LBHD2: variants seen among roughly 807,000 people sequenced by gnomAD.
LBHD2 encodes LBH domain containing 2.
At chr14:103,089,668 C>T in intron 3 of LBHD2, 29 bp from the exon 4 acceptor site, 1 of 398,666 alleles carries the variant, frequency 2.5e-6, no homozygotes, top group Non-Finnish European at 4.4e-6. Flanking sequence ...CCCCCGCCGA[C>T]CAACACGGCC....
Position 103,085,956 on chromosome 14 carries a change from C to T in LBHD2, c.-37-20C>T, listed in dbSNP as rs1173460086. ...GATCCAGCATCAGGCCAACAGCAGA[C>T]ACCCCATTTCTGCTCCCAGTCCTCG... On this transcript the variant is annotated intron_variant, in intron 1 of 3. Coordinates refer to ENST00000634353, the MANE Select transcript of LBHD2 (RefSeq NM_001330236.2). The T allele has an allele frequency of 2.5e-6, 1 of 398,430 alleles. No homozygotes were observed. The highest frequency in any genetic ancestry group is 4.4e-5 in the Admixed American group (1 of 22,706). The allele number at this position is 398,430 out of a possible 1,614,324, so 24.7% of individuals were successfully genotyped here. A position where few individuals can be genotyped will look rare whatever the true frequency, so the allele number is the denominator to read the frequency against.
In LBHD2 at chr14:103,088,258, G is replaced by A. The variant is rs376300067; in HGVS notation, c.226+17G>A. 1 of 398,986 alleles carries A rather than the reference G, an allele frequency of 2.5e-6. No individual in the cohort carries two copies. The highest frequency in any genetic ancestry group is 4.4e-6 in the Non-Finnish European group (1 of 226,362). The allele number at this position is 398,986 out of a possible 1,614,324, so 24.7% of individuals were successfully genotyped here. ...CTGCTGCTGGTAAGTGAGGGTGCCT[G>A]TGGGGGTGCTGAGAGGAGGAAGTGG... On this transcript the variant is annotated intron_variant, in intron 3 of 3. Coordinates refer to ENST00000634353, the MANE Select transcript of LBHD2 (RefSeq NM_001330236.2).
rs141763197 is a variant in LBHD2 at position 103,087,014 on chromosome 14, G to A, written c.69+933G>A. Among the ~76,000 whole-genome samples the A allele has an allele frequency of 1.5e-3, 229 of 152,382 alleles. 3 individuals are homozygous for A. Among genetic ancestry groups the A allele is most frequent in the Non-Finnish European group, 1.6e-4 (11 of 68,034 alleles). On this transcript the variant is annotated intron_variant, in intron 2 of 3. Transcript: ENST00000634353. ...TTGGGGGCAGGAAGGAGAATGGCAC[G>A]TGGGGAGGGAGAGCAGGCTGGGGGA...
At position 103,084,715 on chromosome 14, in the gene LBHD2, G is replaced by GTCTCTC. The variant is rs369355777; in HGVS notation, c.-38+382_-38+387dup. Among the ~76,000 whole-genome samples, 320 of 149,982 alleles carry GTCTCTC rather than the reference G, an allele frequency of 2.1e-3. 9 individuals are homozygous for GTCTCTC. In the East Asian group the frequency reaches 0.055, roughly 26 times the overall value. The stretch of plus-strand genomic sequence containing the variant: ...AAGTGTCATCTGTGGGTCTGTTTCT[G>GTCTCTC]TCTCTCTCTCTCTCTCTCTTCTCCT... On this transcript the variant is annotated intron_variant, in intron 1 of 3. Coordinates refer to ENST00000634353, the MANE Select transcript of LBHD2 (RefSeq NM_001330236.2).
intron 3 of LBHD2, among the ~76,000 whole-genome samples, chr14:103,089,297 C>G (rs1004826731): frequency 1.3e-5 from 2 of 152,210 alleles, no homozygotes; most frequent in Non-Finnish European, 2.9e-5. Context: ...CAGAAAACCC[C>G]CTTTTCATTG....
chr14:103,086,392 A>G (rs1889632979), intron 2 of LBHD2, among the ~76,000 whole-genome samples: 1 of 152,050 alleles, frequency 6.6e-6, no homozygotes. Flanking sequence ...TTGTATTTTT[A>G]GTAGACTCGG....
At chr14:103,085,068 G>A (rs1049521220) in intron 1 of LBHD2, among the ~76,000 whole-genome samples, 1 of 152,174 alleles carries the variant, frequency 6.6e-6, no homozygotes, top group African/African-American at 2.4e-5. Context: ...GCTGACCTGA[G>A]TGGGGTGTTT....
chr14:103,089,740 T>C lies in LBHD2; in HGVS notation c.270T>C (p.Asp90=), dbSNP rs1889686548. 1 of 398,554 alleles carries C rather than the reference T, an allele frequency of 2.5e-6. No homozygotes were observed. The highest frequency in any genetic ancestry group is 4.4e-6 in the Non-Finnish European group (1 of 226,096). 24.7% of individuals were successfully genotyped at this position (398,554 alleles called of 1,614,324 possible). ...CCGGAGAACCAGGGAAAGCTGCAGATAACGCTGGCAGCGAGTGTGCCTGCT... is the reference window on the plus strand; with the variant it reads ...CCGGAGAACCAGGGAAAGCTGCAGACAACGCTGGCAGCGAGTGTGCCTGCT... ...SLPGEPGKAA[D]NAGSECACSE... Residue 90 remains aspartate (D), a synonymous_variant, in exon 4 of 4, where the codon GAT becomes GAC. Transcript: ENST00000634353.
At position 103,084,228 on chromosome 14, in the gene LBHD2, C is replaced by G. The variant is rs1309256422; in HGVS notation, c.-157C>G. Reference sequence around the variant, plus strand: ...GCGAGCCGGGAGAGCGCGGAGCCAGCGGAGCGCGGAGGCCCCAGCGCCAGC... The same window carrying G: ...GCGAGCCGGGAGAGCGCGGAGCCAGGGGAGCGCGGAGGCCCCAGCGCCAGC... On this transcript the variant is annotated 5_prime_UTR_variant, in exon 1 of 4. Coordinates refer to ENST00000634353, the MANE Select transcript of LBHD2 (RefSeq NM_001330236.2). 2.0e-5 allele frequency: 3 copies of G among 152,276 alleles called. No homozygotes were observed. Among genetic ancestry groups the G allele is most frequent in the Non-Finnish European group, 4.4e-5 (3 of 68,162 alleles). 9.4% of individuals were successfully genotyped at this position (152,276 alleles called of 1,614,324 possible).
intron 3 of LBHD2, among the ~76,000 whole-genome samples, chr14:103,088,973 G>A (rs1295008322): frequency 2.0e-5 from 3 of 152,202 alleles, no homozygotes; most frequent in South Asian, 2.1e-4. Flanking sequence ...CAGCCTGGGC[G>A]ATAGAGTGAG....
intron 1 of LBHD2, among the ~76,000 whole-genome samples, chr14:103,084,782 G>A (rs898324378): frequency 6.6e-6 from 1 of 152,160 alleles, no homozygotes; most frequent in Non-Finnish European, 1.5e-5. Context: ...CTCTGTGGCA[G>A]TATTTTTCTT....
In LBHD2 at chr14:103,089,716, C is replaced by A. The variant is rs770079559; in HGVS notation, c.246C>A (p.Pro82=). 3 of 398,550 alleles carry A rather than the reference C, an allele frequency of 7.5e-6. No individual in the cohort carries two copies. Among genetic ancestry groups the A allele is most frequent in the Non-Finnish European group, 1.3e-5 (3 of 226,100 alleles). The allele number at this position is 398,550 out of a possible 1,614,324, so 24.7% of individuals were successfully genotyped here. A position where few individuals can be genotyped will look rare whatever the true frequency, so the allele number is the denominator to read the frequency against. The part of the protein sequence containing the change: ...RAAAAPSPSL[P]GEPGKAADNA... ...CTGCAGCCCCCTCGCCGAGTCTGCC[C>A]GGAGAACCAGGGAAAGCTGCAGATA... Residue 82 remains proline (P), a synonymous_variant, in exon 4 of 4, where the codon CCC becomes CCA. Coordinates refer to ENST00000634353, the MANE Select transcript of LBHD2 (RefSeq NM_001330236.2).
At chr14:103,089,171 C>T (rs1011133145) in intron 3 of LBHD2, among the ~76,000 whole-genome samples, 3 of 152,076 alleles carry the variant, frequency 2.0e-5, no homozygotes, top group African/African-American at 4.8e-5. Context: ...GAGATGTTGT[C>T]CCCTGGAGAC....
intron 2 of LBHD2, 38 bp from the exon 3 acceptor site, chr14:103,088,047 G>A: frequency 2.5e-6 from 1 of 398,798 alleles, no homozygotes; most frequent in Non-Finnish European, 4.4e-6. Context: ...GGAGTGCCAG[G>A]CCTGGCATGG....
intron 2 of LBHD2, 32 bp from the exon 3 acceptor site, chr14:103,088,053 C>A: frequency 2.5e-6 from 1 of 398,826 alleles, no homozygotes; most frequent in Non-Finnish European, 4.4e-6. Context: ...CCAGGCCTGG[C>A]ATGGCCATGA....
chr14:103,085,820 G>A (rs972331041), intron 1 of LBHD2, among the ~76,000 whole-genome samples, 156 bp from the exon 2 acceptor site: 4 of 152,316 alleles, frequency 2.6e-5, no homozygotes, highest in Middle Eastern at 3.4e-3. Context: ...CTCTGGCGGC[G>A]GGCTCAGGCA....
intron 3 of LBHD2, among the ~76,000 whole-genome samples, chr14:103,089,484 A>G (rs2139447706): frequency 6.6e-6 from 1 of 152,050 alleles, no homozygotes; most frequent in Non-Finnish European, 1.5e-5. Flanking sequence ...CTGCCACCCC[A>G]TCATCTGGTG....
intron 2 of LBHD2, among the ~76,000 whole-genome samples, chr14:103,087,489 C>T (rs375166618): frequency 7.9e-5 from 12 of 152,218 alleles, no homozygotes; most frequent in Non-Finnish European, 1.6e-4. Context: ...GAGTTCTGCA[C>T]GTAGCACTGC....
intron 3 of LBHD2, among the ~76,000 whole-genome samples, chr14:103,088,916 C>T (rs1321296474): frequency 6.6e-6 from 1 of 152,234 alleles, no homozygotes; most frequent in Non-Finnish European, 1.5e-5. Flanking sequence ...ATCGCTTGAA[C>T]CCTGGAGGCA....
Sources: gnomAD v4.1 joint callset for allele counts (sites outside exome capture counted in the v4.1 genomes callset) on GRCh38, gnomAD v4.1.1 for gene constraint, MANE v1.5 for transcripts, NCBI Gene and HGNC (gene_info 2026-07-23, HGNC 2026-07-21) for gene names.